The following TMPRSS7 variants were observed in gnomAD, a reference collection of about 807,000 sequenced individuals.
TMPRSS7 encodes transmembrane protease serine 7.
Under a neutral mutation model 95.6 loss-of-function variants are expected in TMPRSS7, and 81 were observed. The ratio of observed to expected loss-of-function variants is 0.85; its 90% CI spans 0.71 to 1.02. The LOEUF (loss-of-function observed/expected upper bound fraction) is 1.02. Among genes scored for constraint, TMPRSS7 ranks in the 50% least tolerant of loss-of-function variants. The probability of loss-of-function intolerance (pLI) is 0.00; values close to 1 mark genes in which losing one functional copy is unlikely to be tolerated. For missense variants in TMPRSS7, 945 were observed against 955.2 expected, an observed-to-expected ratio of 0.99 and a Z score of 0.14; for synonymous variants, 364 against 337.8, an observed-to-expected ratio of 1.08 and a Z score of -0.85.
intron 9 of TMPRSS7, among the ~76,000 whole-genome samples, chr3:112,052,886 T>G (rs2073379971): frequency 6.6e-6 from 1 of 151,944 alleles, no homozygotes; most frequent in Non-Finnish European, 1.5e-5. Flanking sequence ...TTGGATCATT[T>G]ACTGTTTTGC....
intron 13 of TMPRSS7, among the ~76,000 whole-genome samples, chr3:112,068,891 G>A (rs2073608686): frequency 1.3e-5 from 2 of 152,144 alleles, no homozygotes; most frequent in African/African-American, 4.8e-5. Context: ...GCACATCTTT[G>A]TCTTGGGCCA....
chr3:112,059,905 C>T (rs967290158), intron 10 of TMPRSS7, among the ~76,000 whole-genome samples: 2 of 152,202 alleles, frequency 1.3e-5, no homozygotes, highest in African/African-American at 4.8e-5. Flanking sequence ...GAGTAATTGG[C>T]ATCACAGGTT....
chr3:112,038,410 T>TCTGATGGGA, intron 2 of TMPRSS7, 89 bp downstream of exon 2: 3 of 620,172 alleles, frequency 4.8e-6, no homozygotes, highest in Non-Finnish European at 8.6e-6. Flanking sequence ...CATAGGTATT[T>TCTGATGGGA]CTGATGGGAT....
exon 15 of TMPRSS7, chr3:112,075,343 C>A (rs1241731762): frequency 2.8e-6 from 4 of 1,437,912 alleles, no homozygotes; most frequent in Non-Finnish European, 3.7e-6. Flanking sequence ...GTTCCTCCGC[C>A]CTTCACCGCA....
At chr3:112,049,930 G>A (rs372600632) in exon 8 of TMPRSS7, 2 of 1,569,410 alleles carry the variant, frequency 1.3e-6, no homozygotes, top group African/African-American at 2.7e-5. Flanking sequence ...CATATACGGA[G>A]GCTCTCAGGA....
chr3:112,066,369 T>C, intron 12 of TMPRSS7, 23 bp from the exon 13 acceptor site: 3 of 1,610,310 alleles, frequency 1.9e-6, no homozygotes, highest in Non-Finnish European at 1.7e-6. Context: ...TCGTGAACTT[T>C]CTGTTTTTAT....
chr3:112,066,257 G>C, intron 12 of TMPRSS7, 135 bp from the exon 13 acceptor site: 1 of 665,170 alleles, frequency 1.5e-6, no homozygotes, highest in Non-Finnish European at 2.5e-6. Flanking sequence ...GGAAGTGTCA[G>C]TTTTGAGGAA....
intron 15 of TMPRSS7, among the ~76,000 whole-genome samples, chr3:112,076,227 C>T (rs61250978): frequency 0.03 from 4,561 of 152,230 alleles, 191 homozygotes; most frequent in African/African-American, 0.088. Flanking sequence ...TACCCCACTG[C>T]TATGCTGATG....
rs540829331 is a variant in TMPRSS7, at chr3:112,064,204, C to T, written c.1555+572C>T. On this transcript the variant is annotated intron_variant, in intron 12 of 17. Transcript: ENST00000452346. The stretch of plus-strand genomic sequence containing the variant: ...TTTAATTTACCACAATCTTAAACAC[C>T]GAAATCCTGTTTGAAGGCACAGATT... Among the ~76,000 whole-genome samples the T allele has an allele frequency of 1.0e-3, 159 of 152,224 alleles. 4 individuals are homozygous for T. The South Asian group carries it at 0.026, about 25-fold the overall frequency.
intron 15 of TMPRSS7, among the ~76,000 whole-genome samples, chr3:112,075,969 T>C (rs73218005): frequency 2.2e-4 from 33 of 152,352 alleles, no homozygotes; most frequent in Non-Finnish European, 4.7e-4. Flanking sequence ...TTCTGCATTT[T>C]TTTTTTAGTA....
At chr3:112,054,539 ATTTCT>A (rs1396224652) in intron 9 of TMPRSS7, among the ~76,000 whole-genome samples, 3 of 152,002 alleles carry the variant, frequency 2.0e-5, no homozygotes, top group African/African-American at 7.2e-5. Context: ...AAGGGGACTC[ATTTCT>A]TTTCACTATG....
intron 13 of TMPRSS7, among the ~76,000 whole-genome samples, chr3:112,067,648 A>G (rs1461026690): frequency 6.6e-6 from 1 of 152,190 alleles, no homozygotes. Flanking sequence ...GTGTCTGTTC[A>G]TATCCTTTGC....
At chr3:112,069,953 T>C (rs1413674931) in intron 13 of TMPRSS7, among the ~76,000 whole-genome samples, 1 of 152,206 alleles carries the variant, frequency 6.6e-6, no homozygotes, top group Non-Finnish European at 1.5e-5. Flanking sequence ...CTGCTTTCTC[T>C]TGTGGGTGTT....
chr3:112,061,067 A>G (rs16859128), intron 10 of TMPRSS7, among the ~76,000 whole-genome samples: 6,456 of 146,850 alleles, frequency 0.044, 413 homozygotes, highest in African/African-American at 0.14. Flanking sequence ...AAGATCTTTC[A>G]GGTTTCTCTG....
intron 1 of TMPRSS7, among the ~76,000 whole-genome samples, chr3:112,035,207 C>T (rs2073142448): frequency 6.6e-6 from 1 of 152,208 alleles, no homozygotes; most frequent in Non-Finnish European, 1.5e-5. Flanking sequence ...CCAAACTTGG[C>T]TTTGTCAGTT....
intron 3 of TMPRSS7, among the ~76,000 whole-genome samples, chr3:112,042,388 T>C (rs2107737145): frequency 6.6e-6 from 1 of 152,150 alleles, no homozygotes; most frequent in South Asian, 2.1e-4. Context: ...TCCATTATTG[T>C]ACACATTTAT....
At chr3:112,053,445 T>C (rs9288935) in intron 9 of TMPRSS7, among the ~76,000 whole-genome samples, 83,739 of 152,076 alleles carry the variant, frequency 0.55, 25,845 homozygotes, top group East Asian at 0.85. Context: ...ACAATGCTTA[T>C]TAAATGTCTG....
intron 14 of TMPRSS7, 139 bp from the exon 15 acceptor site, chr3:112,075,182 A>G: frequency 1.3e-6 from 1 of 776,652 alleles, no homozygotes. Flanking sequence ...AGACAGACTC[A>G]CATGTTCTCT....
exon 11 of TMPRSS7, chr3:112,061,831 C>A (rs372885822): frequency 6.2e-7 from 1 of 1,612,434 alleles, no homozygotes; most frequent in Non-Finnish European, 8.5e-7. Context: ...TTTCGAGTGC[C>A]CAGCCCTCTG....
Sources: gnomAD v4.1 joint callset for allele counts (sites outside exome capture counted in the v4.1 genomes callset) on GRCh38, gnomAD v4.1.1 for gene constraint, MANE v1.5 for transcripts, NCBI Gene and HGNC (gene_info 2026-07-23, HGNC 2026-07-21) for gene names.